DAB1: variants seen among roughly 807,000 people sequenced by gnomAD.
DAB1 encodes DAB adaptor protein 1.
DAB1 carries 15 observed loss-of-function variants against 64.6 expected under a neutral mutation model. The ratio of observed to expected loss-of-function variants is 0.23; its 90% confidence interval spans 0.16 to 0.36. The LOEUF (loss-of-function observed/expected upper bound fraction) is 0.36, where lower values mean the gene tolerates loss of function less well. Among genes scored for constraint, DAB1 ranks in the 10% least tolerant of loss-of-function variants. The probability of loss-of-function intolerance (pLI) is 1.00; values close to 1 mark genes in which losing one functional copy is unlikely to be tolerated. For missense variants in DAB1, 596 were observed against 706.7 expected, an observed-to-expected ratio of 0.84 and a Z score of 1.78; for synonymous variants, 235 against 251.9, an observed-to-expected ratio of 0.93 and a Z score of 0.64.
In DAB1 at chr1:57,248,991, A is replaced by G. The variant is rs920536871; in HGVS notation, c.67+41973T>C. ...TTGCTGCCCCTCAAACAAGACAGGC[A>G]TATTAAGTTCACGATCCCTAGATGT... On this transcript the variant is annotated intron_variant, in intron 2 of 14. Transcript: ENST00000371236. 2.6e-5 allele frequency among the ~76,000 whole-genome samples: 4 copies of G among 152,200 alleles called. No homozygotes were observed. The East Asian group carries it at 7.7e-4, about 29-fold the overall frequency.
At chr1:58,278,044 CA>C (rs1180336847) in intron 4 of DAB1, among the ~76,000 whole-genome samples, 5 of 152,158 alleles carry the variant, frequency 3.3e-5, no homozygotes, top group Non-Finnish European at 5.9e-5. Flanking sequence ...AACTCCTATT[CA>C]TATTTGAAAG....
At chr1:57,276,102 C>T (rs1671437267) in intron 2 of DAB1, among the ~76,000 whole-genome samples, 1 of 152,166 alleles carries the variant, frequency 6.6e-6, no homozygotes, top group Non-Finnish European at 1.5e-5. Flanking sequence ...AAAAGTAATA[C>T]AGAATTAAAT....
At chr1:57,989,807 CCT>C (rs1390881146) in intron 5 of DAB1, among the ~76,000 whole-genome samples, 1 of 152,094 alleles carries the variant, frequency 6.6e-6, no homozygotes, top group Non-Finnish European at 1.5e-5. Context: ...ATTGGCTATT[CCT>C]CTGTTTTGCC....
intron 4 of DAB1, among the ~76,000 whole-genome samples, chr1:58,191,135 A>G (rs953648651): frequency 2.0e-5 from 3 of 152,236 alleles, no homozygotes; most frequent in South Asian, 2.1e-4. Context: ...TGTAAGACTC[A>G]GGTCATCACA....
chr1:57,621,555 T>C (rs1281344852), intron 7 of DAB1, among the ~76,000 whole-genome samples: 1 of 151,920 alleles, frequency 6.6e-6, no homozygotes, highest in Non-Finnish European at 1.5e-5. Context: ...GGGTTTAGGC[T>C]GGGGACTCTG....
At chr1:58,247,314 C>T (rs1660590930) in intron 4 of DAB1, among the ~76,000 whole-genome samples, 2 of 148,638 alleles carry the variant, frequency 1.3e-5, no homozygotes, top group African/African-American at 2.5e-5. Context: ...AGAAGTTGTC[C>T]ATTCGATGGA....
chr1:57,422,569 C>G (rs1198811490), intron 1 of DAB1, among the ~76,000 whole-genome samples: 1 of 152,124 alleles, frequency 6.6e-6, no homozygotes, highest in Non-Finnish European at 1.5e-5. Flanking sequence ...ATGCCCGCGT[C>G]GCGGCGCTCT....
At chr1:57,108,791 G>A (rs1217907387) in intron 4 of DAB1, among the ~76,000 whole-genome samples, 2 of 152,228 alleles carry the variant, frequency 1.3e-5, no homozygotes, top group Non-Finnish European at 1.5e-5. Flanking sequence ...ATCTCCAACC[G>A]GAAAGGACAA....
chr1:57,434,080 C>G (rs1685607493), intron 7 of DAB1, among the ~76,000 whole-genome samples: 1 of 152,070 alleles, frequency 6.6e-6, no homozygotes, highest in Non-Finnish European at 1.5e-5. Context: ...TTACCTGGCA[C>G]TTTCTTATAA....
chr1:57,866,710 C>G (rs958435681), intron 1 of DAB1, among the ~76,000 whole-genome samples: 1 of 152,166 alleles, frequency 6.6e-6, no homozygotes, highest in African/African-American at 2.4e-5. Flanking sequence ...AGAGGAAGCA[C>G]TCCACAAATG....
chr1:57,028,045 G>T (rs115918520), intron 9 of DAB1, among the ~76,000 whole-genome samples: 110 of 152,166 alleles, frequency 7.2e-4, no homozygotes, highest in Non-Finnish European at 1.3e-3. Flanking sequence ...TAGCAACAGG[G>T]GTCTCTACAA....
At chr1:58,383,107 T>C (rs1644404208) in intron 3 of DAB1, among the ~76,000 whole-genome samples, 1 of 152,238 alleles carries the variant, frequency 6.6e-6, no homozygotes, top group Non-Finnish European at 1.5e-5. Context: ...CATAAAGTAT[T>C]TTCACTATAC....
At chr1:57,637,531 A>T (rs1646071842) in intron 7 of DAB1, among the ~76,000 whole-genome samples, 1 of 152,152 alleles carries the variant, frequency 6.6e-6, no homozygotes, top group Non-Finnish European at 1.5e-5. Context: ...ACAGGGCTGA[A>T]AGCACAGCTT....
At chr1:58,056,416 C>T (rs747163838) in intron 5 of DAB1, 15 of 1,564,300 alleles carry the variant, frequency 9.6e-6, no homozygotes, top group South Asian at 4.4e-5. Context: ...GTTAGTGCAG[C>T]GAATAGGCTG....
chr1:58,201,112 G>A (rs192302921), intron 4 of DAB1, among the ~76,000 whole-genome samples: 1,653 of 151,684 alleles, frequency 0.011, 31 homozygotes, highest in African/African-American at 0.038. Context: ...CGCCTCCCAG[G>A]TTCATGCCAT....
downstream of DAB1, among the ~76,000 whole-genome samples, chr1:57,825,729 T>G (rs1181038160): frequency 6.6e-6 from 1 of 152,200 alleles, no homozygotes. Context: ...AAGATAAATT[T>G]TCTTATTAGG....
At chr1:58,056,286 G>A in intron 5 of DAB1, 1 of 1,388,966 alleles carries the variant, frequency 7.2e-7, no homozygotes, top group East Asian at 2.3e-5. Flanking sequence ...CATACAGCTT[G>A]GGAAGCACAT....
At chr1:57,422,613 C>T (rs1254540072) in intron 1 of DAB1, among the ~76,000 whole-genome samples, 1 of 151,284 alleles carries the variant, frequency 6.6e-6, no homozygotes, top group Non-Finnish European at 1.5e-5. Context: ...GGAGCGGTAG[C>T]CAAGCGCCCC....
intron 1 of DAB1, among the ~76,000 whole-genome samples, chr1:57,363,346 T>A (rs1485477916): frequency 6.6e-6 from 1 of 152,080 alleles, no homozygotes; most frequent in African/African-American, 2.4e-5. Flanking sequence ...AGCTGAGAGA[T>A]GAGAGAGAGG....
Sources: allele counts gnomAD v4.1 joint callset (sites outside exome capture counted in the v4.1 genomes callset), GRCh38; gene constraint gnomAD v4.1.1; transcripts MANE v1.5; gene names NCBI Gene and HGNC (gene_info 2026-07-23, HGNC 2026-07-21).